The following UBA3 variants were observed in gnomAD, a reference collection of about 807,000 sequenced individuals.
The protein encoded by UBA3 is NEDD8-activating enzyme E1 catalytic subunit.
In UBA3, 26 loss-of-function variants were observed where a neutral mutation model predicts 73.5. That is an observed-to-expected ratio of 0.35 (90% CI 0.26 to 0.49). The LOEUF (loss-of-function observed/expected upper bound fraction) is 0.49, where lower values mean the gene tolerates loss of function less well. Among genes scored for constraint, UBA3 ranks in the 20% least tolerant of loss-of-function variants. UBA3 has a pLI of 0.98. For synonymous variants in UBA3, 217 were observed against 191.2 expected (o/e 1.13, Z -1.11); for missense variants, 495 against 555.6 (o/e 0.89, Z 1.10).
At chr3:69,072,514 G>T (rs1293561485) in intron 4 of UBA3, among the ~76,000 whole-genome samples, 1 of 152,104 alleles carries the variant, frequency 6.6e-6, no homozygotes, top group African/African-American at 2.4e-5. Context: ...ACCTTTCTGA[G>T]GTATTAGGCT....
Position 69,061,455 on chromosome 3 carries a change from G to A in UBA3, c.910+359C>T, listed in dbSNP as rs148439797. On this transcript the variant is annotated intron_variant, in intron 11 of 17. Transcript: ENST00000361055. The stretch of plus-strand genomic sequence containing the variant: ...GGTGATCCGCCTGCCTCGGCCTCCC[G>A]AAGTGCTAGGATTGCAGGTATAAGC... The A allele has an allele frequency of 5.2e-3, 840 of 161,196 alleles. 10 individuals are homozygous for A. Among genetic ancestry groups the A allele is most frequent in the African/African-American group, 0.018 (762 of 41,902 alleles). 10.0% of individuals were successfully genotyped at this position (161,196 alleles called of 1,614,324 possible).
chr3:69,064,018 T>C (rs1209163067), intron 7 of UBA3, 50 bp downstream of exon 7: 1 of 1,504,862 alleles, frequency 6.6e-7, no homozygotes, highest in Non-Finnish European at 9.1e-7. Flanking sequence ...AGCTACCAAC[T>C]AAAAAATTCT....
chr3:69,063,974 G>C (rs1428815049), intron 7 of UBA3, 94 bp downstream of exon 7: 1 of 1,082,988 alleles, frequency 9.2e-7, no homozygotes, highest in Non-Finnish European at 1.4e-6. Flanking sequence ...AGCAAGTGAA[G>C]AAATAGCCTT....
chr3:69,070,612 T>C (rs897400295), intron 5 of UBA3, among the ~76,000 whole-genome samples: 1 of 152,188 alleles, frequency 6.6e-6, no homozygotes, highest in Non-Finnish European at 1.5e-5. Flanking sequence ...CATTTCTTCA[T>C]GTCTGGATAC....
intron 12 of UBA3, among the ~76,000 whole-genome samples, 182 bp downstream of exon 12, chr3:69,057,074 G>C (rs973034703): frequency 9.2e-5 from 14 of 152,116 alleles, no homozygotes; most frequent in African/African-American, 3.1e-4. Flanking sequence ...CTTTACTGCA[G>C]GTAACTTAAG....
Position 69,054,927 on chromosome 3 carries a change from A to G in UBA3, c.*510T>C, listed in dbSNP as rs1042584749. The G allele has an allele frequency of 2.0e-5, 3 of 152,388 alleles. No homozygotes were observed. Among genetic ancestry groups the G allele is most frequent in the African/African-American group, 7.2e-5 (3 of 41,474 alleles). The allele number at this position is 152,388 out of a possible 1,614,324, so 9.4% of individuals were successfully genotyped here. ...TCAGCTATAACACCATTTACAAATC[A>G]TTATGAACAAGATAAATTCTGCAAT... On this transcript the variant is annotated 3_prime_UTR_variant, in exon 18 of 18. Coordinates refer to ENST00000361055, the MANE Select transcript of UBA3 (RefSeq NM_003968.4).
intron 11 of UBA3, among the ~76,000 whole-genome samples, chr3:69,058,671 C>T (rs1384444187): frequency 6.6e-6 from 1 of 152,122 alleles, no homozygotes; most frequent in East Asian, 1.9e-4. Flanking sequence ...GAGACACTGC[C>T]CAGTAAGAAC....
At chr3:69,076,770 T>G (rs1050382683) in intron 3 of UBA3, among the ~76,000 whole-genome samples, 5 of 151,948 alleles carry the variant, frequency 3.3e-5, no homozygotes, top group African/African-American at 1.2e-4. Context: ...CTTTCTTTTT[T>G]TTTTTAGAGA....
chr3:69,071,677 T>G lies in UBA3; in HGVS notation c.265-60A>C, dbSNP rs528628430. 5 of 1,109,086 alleles carry G rather than the reference T, an allele frequency of 4.5e-6. No individual in the cohort carries two copies. In the East Asian group the frequency reaches 1.3e-4, roughly 29 times the overall value. 68.7% of individuals were successfully genotyped at this position (1,109,086 alleles called of 1,614,324 possible). Reference sequence around the variant, plus strand: ...TTTCCTCACATTTAAAAACGTAACATTTGTTTTCAATGTAGTCTTAAGTCT... The same window carrying G: ...TTTCCTCACATTTAAAAACGTAACAGTTGTTTTCAATGTAGTCTTAAGTCT... On this transcript the variant is annotated intron_variant, in intron 4 of 17. Coordinates refer to ENST00000361055, the MANE Select transcript of UBA3 (RefSeq NM_003968.4).
chr3:69,072,600 A>T (rs1409242040), intron 4 of UBA3, among the ~76,000 whole-genome samples: 1 of 152,202 alleles, frequency 6.6e-6, no homozygotes, highest in Non-Finnish European at 1.5e-5. Context: ...AACACTTTTT[A>T]AAAATTGGTT....
intron 5 of UBA3, among the ~76,000 whole-genome samples, chr3:69,069,043 T>C (rs2092099031): frequency 6.6e-6 from 1 of 152,210 alleles, no homozygotes; most frequent in South Asian, 2.1e-4. Flanking sequence ...ATACAAATGG[T>C]ATTTTCTTTC....
intron 6 of UBA3, among the ~76,000 whole-genome samples, chr3:69,066,027 T>C (rs1051271440): frequency 1.3e-5 from 2 of 152,230 alleles, no homozygotes; most frequent in African/African-American, 2.4e-5. Flanking sequence ...ATCAGATGCT[T>C]TACAAGTATT....
Position 69,077,870 on chromosome 3 carries a change from G to C in UBA3, c.111C>G (p.Arg37=). ...CGAGGAACTTCTTTACATGGTTCCA[G>C]CGACCTTCCCAGTCTCCAGTGTCCC... ...GCGDTGDWEG[R]WNHVKKFLER... is the part of the protein sequence containing the mutation. Residue 37 remains arginine, a synonymous_variant, in exon 3 of 18, where the codon CGC becomes CGG. Transcript: ENST00000361055. 9 of 1,614,078 alleles carry C rather than the reference G, an allele frequency of 5.6e-6. No individual in the cohort carries two copies. Among genetic ancestry groups the C allele is most frequent in the Non-Finnish European group, 7.6e-6 (9 of 1,180,014 alleles).
Position 69,071,613 on chromosome 3 carries a change from A to C in UBA3, c.269T>G (p.Leu90Trp), listed in dbSNP as rs747470220. Residue 90 changes from leucine (L) to tryptophan (W), a missense_variant, in exon 5 of 18, where the codon TTG becomes TGG. Physicochemically the swap from Leu to Trp is moderately conservative, Grantham distance 61. Transcript: ENST00000361055. ...AACATGAATCTGTCTAAAACCAGAC[A>C]AGGCCTGTGGGAATAAAAACAATCC... ...LGCELLKNLA[L>W]SGFRQIHVID... The C allele has an allele frequency of 1.3e-6, 2 of 1,547,704 alleles. No homozygotes were observed. The highest frequency in any genetic ancestry group is 1.7e-6 in the Non-Finnish European group (2 of 1,156,822).
intron 6 of UBA3, among the ~76,000 whole-genome samples, chr3:69,066,167 A>C (rs552531197): frequency 1.2e-4 from 19 of 152,130 alleles, no homozygotes; most frequent in Non-Finnish European, 1.9e-4. Context: ...AATTATTTTA[A>C]TTTTTTAGAG....
At chr3:69,058,727 C>T (rs915814464) in intron 11 of UBA3, among the ~76,000 whole-genome samples, 2 of 152,144 alleles carry the variant, frequency 1.3e-5, no homozygotes. Context: ...ACCCCTGCCA[C>T]CCATACCCCT....
chr3:69,072,346 C>A (rs1013918001), intron 4 of UBA3, among the ~76,000 whole-genome samples: 2 of 152,156 alleles, frequency 1.3e-5, no homozygotes, highest in Non-Finnish European at 2.9e-5. Context: ...CCTCATTTTT[C>A]TGTCCCCCTA....
rs919328141 is a variant in UBA3, at chr3:69,062,967, T to C, written c.693+15A>G. Reference sequence around the variant, plus strand: ...CAAGATACTATAAAAGAAATGCAGGTGCTTTTTTGATTACCTGTGGTGGAT... The same window carrying C: ...CAAGATACTATAAAAGAAATGCAGGCGCTTTTTTGATTACCTGTGGTGGAT... On this transcript the variant is annotated intron_variant, in intron 9 of 17. Coordinates refer to ENST00000361055, the MANE Select transcript of UBA3 (RefSeq NM_003968.4). 4 of 1,612,792 alleles carry C rather than the reference T, an allele frequency of 2.5e-6. No homozygotes were observed. The highest frequency in any genetic ancestry group is 3.4e-6 in the Non-Finnish European group (4 of 1,179,460).
At position 69,064,049 on chromosome 3, in the gene UBA3, T is replaced by C. The variant is rs1284770515; in HGVS notation, c.472+19A>G. On this transcript the variant is annotated intron_variant, in intron 7 of 17. Transcript: ENST00000361055. ...ATTCTAAGAATCTAGTGAGCATTAA[T>C]TTCAAGTAAAAAACTTACGTCGATA... 1.3e-6 allele frequency: 2 copies of C among 1,597,062 alleles called. No individual in the cohort carries two copies. The highest frequency in any genetic ancestry group is 1.1e-5 in the South Asian group (1 of 87,830).
Sources: allele counts gnomAD v4.1 joint callset (sites outside exome capture counted in the v4.1 genomes callset), GRCh38; gene constraint gnomAD v4.1.1; transcripts MANE v1.5; gene names NCBI Gene and HGNC (gene_info 2026-07-23, HGNC 2026-07-21).